The following TMPRSS11A variants were observed in gnomAD, a reference collection of about 807,000 sequenced individuals.
TMPRSS11A encodes the protein transmembrane serine protease 11A.
Under a neutral mutation model 58.9 loss-of-function variants are expected in TMPRSS11A, and 53 were observed. That is an observed-to-expected ratio of 0.90 (90% CI 0.72 to 1.13). The LOEUF (loss-of-function observed/expected upper bound fraction) is 1.13. TMPRSS11A is among the 50% of genes most tolerant of loss of function. The pLI is 0.00. For synonymous variants in TMPRSS11A, 167 were observed against 169.8 expected, an observed-to-expected ratio of 0.98 and a Z score of 0.13; for missense variants, 493 against 499.3, an observed-to-expected ratio of 0.99 and a Z score of 0.12.
chr4:67,937,673 G>A (rs1720783742), intron 3 of TMPRSS11A, among the ~76,000 whole-genome samples: 1 of 152,038 alleles, frequency 6.6e-6, no homozygotes, highest in African/African-American at 2.4e-5. Context: ...AGATAAAAGT[G>A]CCTTCCTTGT....
Position 67,948,173 on chromosome 4 carries a change from C to T in TMPRSS11A, c.12-1602G>A, listed in dbSNP as rs141318988. On this transcript the variant is annotated intron_variant, in intron 1 of 9. Transcript: ENST00000508048. Reference sequence around the variant, plus strand: ...TTTTTTTTTTTTTTTTTTTTTGAGACGGAGTCTCACTGTGTCATCCAGGCT... The same window carrying T: ...TTTTTTTTTTTTTTTTTTTTTGAGATGGAGTCTCACTGTGTCATCCAGGCT... Among the ~76,000 whole-genome samples, 175 of 106,298 alleles carry T rather than the reference C, an allele frequency of 1.6e-3. 7 individuals are homozygous for T. The East Asian group carries it at 0.041, about 25-fold the overall frequency. The allele number at this position is 106,298 out of a possible 152,430, so 69.7% of individuals were successfully genotyped here.
chr4:67,946,437 T>G lies in TMPRSS11A; in HGVS notation c.133+13A>C, dbSNP rs1172902717. 1 of 1,583,452 alleles carries G rather than the reference T, an allele frequency of 6.3e-7. No individual in the cohort carries two copies. The highest frequency in any genetic ancestry group is 1.4e-5 in the African/African-American group (1 of 73,178). ...ATAAAATCAAATAGAGTGAAATCTT[T>G]AATTTTACCTACCAAATACTAGGAA... On this transcript the variant is annotated intron_variant, in intron 2 of 9. Coordinates refer to ENST00000508048, the MANE Select transcript of TMPRSS11A (RefSeq NM_001114387.2).
chr4:67,915,159 G>A (rs1720112702), intron 8 of TMPRSS11A, among the ~76,000 whole-genome samples: 1 of 151,674 alleles, frequency 6.6e-6, no homozygotes, highest in Admixed American at 6.6e-5. Context: ...AGTTTATGAT[G>A]AGCTTTCACA....
At chr4:67,930,770 A>T in intron 4 of TMPRSS11A, among the ~76,000 whole-genome samples, 1 of 142,618 alleles carries the variant, frequency 7.0e-6, no homozygotes, top group Admixed American at 7.1e-5. Context: ...AAAAAACAAA[A>T]AACCTTGAAA....
chr4:67,922,736 C>T lies in TMPRSS11A; in HGVS notation c.692+19G>A. 1 of 1,608,468 alleles carries T rather than the reference C, an allele frequency of 6.2e-7. No homozygotes were observed. Among genetic ancestry groups the T allele is most frequent in the Non-Finnish European group, 8.5e-7 (1 of 1,175,644 alleles). ...GCTTTTTAGCAGAAGTGGGTTCTAA[C>T]TTAAGGTCAATAACTTACTTCTGGA... On this transcript the variant is annotated intron_variant, in intron 7 of 9. Transcript: ENST00000508048.
At chr4:67,960,384 A>G (rs1344437532) in intron 1 of TMPRSS11A, among the ~76,000 whole-genome samples, 7 of 152,222 alleles carry the variant, frequency 4.6e-5, no homozygotes. Context: ...CGTTAAACTC[A>G]GGCTCTGGCT....
At chr4:67,929,729 TAC>T in intron 5 of TMPRSS11A, 149 bp downstream of exon 5, 2 of 736,512 alleles carry the variant, frequency 2.7e-6, no homozygotes, top group Middle Eastern at 4.0e-4. Flanking sequence ...TAGAGACTAA[TAC>T]ACCTTGAAAT....
Position 67,946,588 on chromosome 4 carries a change from C to A in TMPRSS11A, c.12-17G>T. ...CCCACTGTCCTGAGAAAAGGAAGGG[C>A]CCACTGGTTACTCTCAGATAGCAAT... is the stretch of plus-strand genomic sequence containing the variant. On this transcript the variant is annotated splice_polypyrimidine_tract_variant and intron_variant, in intron 1 of 9. Transcript: ENST00000508048. 2 of 1,602,622 alleles carry A rather than the reference C, an allele frequency of 1.2e-6. No individual in the cohort carries two copies. Among genetic ancestry groups the A allele is most frequent in the African/African-American group, 1.3e-5 (1 of 74,402 alleles).
intron 1 of TMPRSS11A, among the ~76,000 whole-genome samples, chr4:67,947,117 A>G (rs553733146): frequency 1.1e-4 from 16 of 152,232 alleles, no homozygotes; most frequent in African/African-American, 3.9e-4. Flanking sequence ...TTCTGCTGCT[A>G]TATTTTAATG....
rs1265700805 is a variant in TMPRSS11A at position 67,930,829 on chromosome 4, T to TTTTTTTA, written c.321-790_321-789insTAAAAAA. On this transcript the variant is annotated intron_variant, in intron 4 of 9. Transcript: ENST00000508048. ...TCTCCTTTTTTTTTTTTTTTTTTTT[T>TTTTTTTA]ACAAAAAAAAAAAAAACTGTGAAAA... Among the ~76,000 whole-genome samples, 86 of 90,042 alleles carry TTTTTTTA rather than the reference T, an allele frequency of 9.6e-4. 1 individual carries two copies. The highest frequency in any genetic ancestry group is 7.1e-3 in the East Asian group (14 of 1,974). 59.1% of individuals were successfully genotyped at this position (90,042 alleles called of 152,430 possible).
In TMPRSS11A at chr4:67,911,311, A is replaced by G; in HGVS notation, c.*31T>C. On this transcript the variant is annotated 3_prime_UTR_variant, in exon 10 of 10. Coordinates refer to ENST00000508048, the MANE Select transcript of TMPRSS11A (RefSeq NM_001114387.2). Reference sequence around the variant, plus strand: ...ATTCTCATGCATATATGACCTGCATACAGCTTTCTTTGTTTAACTTTTATC... The same window carrying G: ...ATTCTCATGCATATATGACCTGCATGCAGCTTTCTTTGTTTAACTTTTATC... 6.2e-7 allele frequency: 1 copy of G among 1,609,222 alleles called. No individual in the cohort carries two copies. Among genetic ancestry groups the G allele is most frequent in the East Asian group, 2.2e-5 (1 of 44,808 alleles).
chr4:67,911,869 C>CTAGA (rs1719990033), intron 9 of TMPRSS11A, among the ~76,000 whole-genome samples: 1 of 152,102 alleles, frequency 6.6e-6, no homozygotes, highest in South Asian at 2.1e-4. Flanking sequence ...CTCCTTATCA[C>CTAGA]TAGATAATAT....
chr4:67,936,847 T>C (rs1720767278), intron 3 of TMPRSS11A, among the ~76,000 whole-genome samples: 1 of 152,226 alleles, frequency 6.6e-6, no homozygotes, highest in Non-Finnish European at 1.5e-5. Context: ...TAATTCTCAG[T>C]GTACAACAAA....
chr4:67,927,644 T>C (rs353154), intron 5 of TMPRSS11A, among the ~76,000 whole-genome samples: 11,549 of 152,216 alleles, frequency 0.076, 490 homozygotes, highest in East Asian at 0.14. Flanking sequence ...AGAGCAAAAC[T>C]TGGGCAAAGG....
intron 1 of TMPRSS11A, among the ~76,000 whole-genome samples, chr4:67,958,885 G>A (rs568869742): frequency 6.6e-6 from 1 of 152,284 alleles, no homozygotes; most frequent in East Asian, 1.9e-4. Context: ...TGCTATTCTT[G>A]TGATAATGAA....
At chr4:67,962,725 GAATCTT>G (rs1274711404) in intron 1 of TMPRSS11A, among the ~76,000 whole-genome samples, 1 of 152,146 alleles carries the variant, frequency 6.6e-6, no homozygotes, top group African/African-American at 2.4e-5. Context: ...TTATGCCAAG[GAATCTT>G]ATTTTTTCAT....
rs1719968729 is a variant in TMPRSS11A, at chr4:67,911,205, A to G, written c.*137T>C. On this transcript the variant is annotated 3_prime_UTR_variant, in exon 10 of 10. Coordinates refer to ENST00000508048, the MANE Select transcript of TMPRSS11A (RefSeq NM_001114387.2). Reference sequence around the variant, plus strand: ...TATTGGTTGATTAAAGTGATTCTAAATAACTTACGTTGTGTGTTTCATGTT... The same window carrying G: ...TATTGGTTGATTAAAGTGATTCTAAGTAACTTACGTTGTGTGTTTCATGTT... The G allele has an allele frequency of 1.8e-5, 13 of 734,120 alleles. No homozygotes were observed. In the East Asian group the frequency reaches 3.5e-4, roughly 19 times the overall value. 45.5% of individuals were successfully genotyped at this position (734,120 alleles called of 1,614,324 possible). A position where few individuals can be genotyped will look rare whatever the true frequency, so the allele number is the denominator to read the frequency against.
intron 9 of TMPRSS11A, among the ~76,000 whole-genome samples, chr4:67,911,771 A>T (rs892632305): frequency 6.6e-6 from 1 of 152,192 alleles, no homozygotes; most frequent in Non-Finnish European, 1.5e-5. Context: ...AGGCTTGAAA[A>T]GCAGTTATGT....
At chr4:67,931,864 A>AG in intron 4 of TMPRSS11A, 129 bp downstream of exon 4, 1 of 623,698 alleles carries the variant, frequency 1.6e-6, no homozygotes, top group East Asian at 2.6e-5. Flanking sequence ...ACTGCTTTAA[A>AG]GGTAATGTTT....
Sources: gnomAD v4.1 joint callset for allele counts (sites outside exome capture counted in the v4.1 genomes callset) on GRCh38, gnomAD v4.1.1 for gene constraint, MANE v1.5 for transcripts, NCBI Gene and HGNC (gene_info 2026-07-23, HGNC 2026-07-21) for gene names.